SETBP1: variants seen among roughly 807,000 people sequenced by gnomAD.
SETBP1 encodes the protein SET binding protein 1.
A neutral mutation model predicts 101.0 loss-of-function variants in SETBP1; 9 were observed. That is an observed-to-expected ratio of 0.09 (90% CI 0.05 to 0.16). The LOEUF (loss-of-function observed/expected upper bound fraction) is 0.16, where lower values mean the gene tolerates loss of function less well. Ranked by LOEUF, SETBP1 falls within the 10% of genes least tolerant of loss-of-function variation. The pLI is 1.00. For missense variants in SETBP1, 1,858 were observed against 2,033.8 expected (o/e 0.91, Z 1.66); for synonymous variants, 818 against 788.5 (o/e 1.04, Z -0.63).
intron 2 of SETBP1, among the ~76,000 whole-genome samples, chr18:44,706,384 G>A (rs528368515): frequency 1.3e-5 from 2 of 151,576 alleles, no homozygotes; most frequent in African/African-American, 4.8e-5. Context: ...TCAGGAGTTC[G>A]AGATCAGCCT....
At chr18:45,034,747 G>A (rs1001624381) in intron 4 of SETBP1, among the ~76,000 whole-genome samples, 1 of 152,090 alleles carries the variant, frequency 6.6e-6, no homozygotes, top group African/African-American at 2.4e-5. Context: ...TTGGGGTTTA[G>A]GGATGCTCTG....
intron 2 of SETBP1, among the ~76,000 whole-genome samples, chr18:44,824,310 C>T (rs2144403020): frequency 6.6e-6 from 1 of 152,220 alleles, no homozygotes; most frequent in Non-Finnish European, 1.5e-5. Context: ...TTCGGTGGTG[C>T]CCATCTAGTC....
At chr18:44,788,214 G>A (rs2144715943) in intron 2 of SETBP1, among the ~76,000 whole-genome samples, 1 of 152,194 alleles carries the variant, frequency 6.6e-6, no homozygotes, top group East Asian at 1.9e-4. Flanking sequence ...CTTCTCTTGG[G>A]CAGATAGGAG....
At chr18:44,886,754 T>TTTA (rs4024294) in intron 3 of SETBP1, among the ~76,000 whole-genome samples, 34,163 of 142,844 alleles carry the variant, frequency 0.24, 4,208 homozygotes, top group African/African-American at 0.3. Flanking sequence ...GACTGTACAT[T>TTTA]TTATTATTAT....
intron 2 of SETBP1, among the ~76,000 whole-genome samples, chr18:44,837,278 G>T (rs2072517876): frequency 6.6e-6 from 1 of 152,170 alleles, no homozygotes; most frequent in African/African-American, 2.4e-5. Flanking sequence ...CTGGAGGAGG[G>T]TCAGTCAGGC....
intron 1 of SETBP1, among the ~76,000 whole-genome samples, chr18:44,682,206 G>C (rs758387443): frequency 1.5e-4 from 23 of 152,190 alleles, no homozygotes; most frequent in Non-Finnish European, 3.1e-4. Context: ...TATATCTCCT[G>C]TGCCCCATCC....
chr18:44,726,418 T>A (rs950816823), intron 2 of SETBP1, among the ~76,000 whole-genome samples: 2 of 152,208 alleles, frequency 1.3e-5, no homozygotes, highest in African/African-American at 4.8e-5. Context: ...CAAATGTATA[T>A]GTAATCCTCC....
In SETBP1 at chr18:45,021,978, T is replaced by C. The variant is rs1158324154; in HGVS notation, c.4001-16507T>C. ...GAAGGCAAGTCGGAATTATGTACAG[T>C]AGGGCACACGAGTTAACTATGCCCT... On this transcript the variant is annotated intron_variant, in intron 4 of 5. Transcript: ENST00000649279. Among the ~76,000 whole-genome samples the C allele has an allele frequency of 2.0e-5, 3 of 152,108 alleles. No individual in the cohort carries two copies. The East Asian group carries it at 5.8e-4, about 29-fold the overall frequency.
intron 2 of SETBP1, among the ~76,000 whole-genome samples, chr18:44,850,671 C>T (rs1347559981): frequency 2.0e-5 from 3 of 151,306 alleles, no homozygotes; most frequent in African/African-American, 7.4e-5. Context: ...GCACCCGGCA[C>T]CAGATGGCTT....
intron 4 of SETBP1, among the ~76,000 whole-genome samples, chr18:44,968,371 A>T (rs1294157013): frequency 6.6e-6 from 1 of 152,210 alleles, no homozygotes. Context: ...AAAAGCAAAT[A>T]TAATAATTAA....
intron 2 of SETBP1, chr18:44,733,357 G>A (rs2069882271): frequency 6.6e-6 from 1 of 152,208 alleles, no homozygotes; most frequent in Non-Finnish European, 1.5e-5. Flanking sequence ...CCACTCTCTG[G>A]CCCTTTGAGA....
chr18:44,907,645 T>A (rs987982390), intron 3 of SETBP1, among the ~76,000 whole-genome samples: 7 of 152,230 alleles, frequency 4.6e-5, no homozygotes, highest in African/African-American at 1.7e-4. Flanking sequence ...TGGCCATATG[T>A]ATATTTTTTG....
intron 5 of SETBP1, among the ~76,000 whole-genome samples, chr18:45,057,667 G>T (rs913416955): frequency 2.0e-5 from 3 of 152,186 alleles, no homozygotes; most frequent in African/African-American, 7.2e-5. Flanking sequence ...AGGCAGTTCA[G>T]CCTTCCTCAA....
chr18:44,932,756 A>T (rs1296755642), intron 3 of SETBP1, among the ~76,000 whole-genome samples: 1 of 152,158 alleles, frequency 6.6e-6, no homozygotes, highest in African/African-American at 2.4e-5. Context: ...TTGTGCATGC[A>T]TCACGTAGTT....
At chr18:45,010,062 T>C (rs2072807014) in intron 4 of SETBP1, among the ~76,000 whole-genome samples, 2 of 152,194 alleles carry the variant, frequency 1.3e-5, no homozygotes, top group South Asian at 2.1e-4. Context: ...CCCTGAGTTA[T>C]AAAAGCATCT....
chr18:44,882,297 C>G (rs1468192261), intron 3 of SETBP1, among the ~76,000 whole-genome samples: 1 of 152,088 alleles, frequency 6.6e-6, no homozygotes, highest in African/African-American at 2.4e-5. Context: ...CATTTATACC[C>G]TCAGTCCAGG....
intron 1 of SETBP1, among the ~76,000 whole-genome samples, chr18:44,700,903 G>A (rs1428074910): frequency 2.0e-5 from 3 of 152,158 alleles, no homozygotes; most frequent in Admixed American, 6.5e-5. Flanking sequence ...GCTTGCTACC[G>A]GGCTGGAGAA....
rs572926606 is a variant in SETBP1, at chr18:44,785,980, C to A, written c.487-83250C>A. ...TTCTCACTCCATCACCCAAGAGTTT[C>A]CTGCTGTTCCCCTCTGTTTTTACAT... On this transcript the variant is annotated intron_variant, in intron 2 of 5. Coordinates refer to ENST00000649279, the MANE Select transcript of SETBP1 (RefSeq NM_015559.3). 6.6e-5 allele frequency among the ~76,000 whole-genome samples: 10 copies of A among 152,288 alleles called. No homozygotes were observed. In the South Asian group the frequency reaches 2.1e-3, roughly 32 times the overall value.
At position 45,063,245 on chromosome 18, in the gene SETBP1, C is replaced by A. The variant is rs1217376031; in HGVS notation, c.4338C>A (p.Gly1446=). 1 of 1,613,768 alleles carries A rather than the reference C, an allele frequency of 6.2e-7. No individual in the cohort carries two copies. The highest frequency in any genetic ancestry group is 8.5e-7 in the Non-Finnish European group (1 of 1,179,840). The change falls in exon 6 of 6, where the codon GGC becomes GGA. Residue 1446 remains glycine (G), a synonymous_variant. Transcript: ENST00000649279. ...GGCTGCAGAGACAATCAAAAACAGG[C>A]AACAACTTCGTGAAGAAGAGGCGCG... is the stretch of plus-strand genomic sequence containing the variant. The part of the protein sequence containing the change: ...AKRLQRQSKT[G]NNFVKKRRGR...
Sources: allele counts gnomAD v4.1 joint callset (sites outside exome capture counted in the v4.1 genomes callset), GRCh38; gene constraint gnomAD v4.1.1; transcripts MANE v1.5; gene names NCBI Gene and HGNC (gene_info 2026-07-23, HGNC 2026-07-21).